SERPINI1: variants seen among roughly 807,000 people sequenced by gnomAD.
The protein encoded by SERPINI1 is serpin family I member 1.
SERPINI1 carries 19 observed loss-of-function variants against 41.1 expected under a neutral mutation model. That is an observed-to-expected ratio of 0.46 (90% CI 0.32 to 0.68). The LOEUF (loss-of-function observed/expected upper bound fraction) is 0.68. Ranked by LOEUF, SERPINI1 falls within the 30% of genes least tolerant of loss-of-function variation. The pLI is 0.03. For missense variants in SERPINI1, 460 were observed against 479.2 expected (o/e 0.96, Z 0.37); for synonymous variants, 138 against 156.6 (o/e 0.88, Z 0.89).
At chr3:167,817,645 T>A (rs1174277474) in intron 6 of SERPINI1, among the ~76,000 whole-genome samples, 2 of 152,112 alleles carry the variant, frequency 1.3e-5, no homozygotes, top group African/African-American at 4.8e-5. Context: ...TCGCCCAGGC[T>A]CGAGTGCAGT....
chr3:167,823,782 C>T (rs1031959477), intron 7 of SERPINI1, among the ~76,000 whole-genome samples: 6 of 152,060 alleles, frequency 3.9e-5, no homozygotes, highest in African/African-American at 9.7e-5. Context: ...TAGTATTTTC[C>T]GAAGTAAATA....
intron 6 of SERPINI1, among the ~76,000 whole-genome samples, chr3:167,812,026 C>T (rs1389563308): frequency 6.6e-6 from 1 of 152,126 alleles, no homozygotes; most frequent in African/African-American, 2.4e-5. Context: ...CTTTCTCTTG[C>T]TTCTAGAAAA....
chr3:167,754,187 G>A (rs1452895663), intron 1 of SERPINI1, among the ~76,000 whole-genome samples: 1 of 152,144 alleles, frequency 6.6e-6, no homozygotes, highest in Non-Finnish European at 1.5e-5. Context: ...ATGAAATCCA[G>A]GAGGGATAAA....
At chr3:167,768,829 A>T (rs1406501620) in intron 1 of SERPINI1, among the ~76,000 whole-genome samples, 1 of 152,216 alleles carries the variant, frequency 6.6e-6, no homozygotes, top group Non-Finnish European at 1.5e-5. Flanking sequence ...CATGATCCGC[A>T]TAGGAAATAT....
At chr3:167,824,368 A>T in intron 7 of SERPINI1, 105 bp from the exon 8 acceptor site, 1 of 790,024 alleles carries the variant, frequency 1.3e-6, no homozygotes, top group East Asian at 2.5e-5. Context: ...TTTCCTGTAA[A>T]TTGTTGTCTT....
At chr3:167,778,245 T>C (rs1201886754) in intron 1 of SERPINI1, among the ~76,000 whole-genome samples, 1 of 152,120 alleles carries the variant, frequency 6.6e-6, no homozygotes, top group Non-Finnish European at 1.5e-5. Context: ...TACAGCCCAA[T>C]GGGTTCTTCT....
intron 1 of SERPINI1, among the ~76,000 whole-genome samples, chr3:167,757,123 A>G (rs528231382): frequency 2.0e-5 from 3 of 152,322 alleles, no homozygotes; most frequent in East Asian, 3.9e-4. Flanking sequence ...TAATCACAGT[A>G]TCAAATGACT....
At chr3:167,739,744 A>G (rs1725608809) in intron 1 of SERPINI1, among the ~76,000 whole-genome samples, 1 of 152,176 alleles carries the variant, frequency 6.6e-6, no homozygotes. Flanking sequence ...CAAAAAAAAA[A>G]TAGACTGATT....
rs1460143430 is a variant in SERPINI1 at position 167,790,506 on chromosome 3, A to G, written c.385A>G (p.Lys129Glu). The G allele has an allele frequency of 6.2e-7, 1 of 1,614,028 alleles. No individual in the cohort carries two copies. Among genetic ancestry groups the G allele is most frequent in the Non-Finnish European group, 8.5e-7 (1 of 1,179,908 alleles). Reference protein sequence around the residue: ...HVNEEFLQMMKKYFNAAVNHV... With the variant: ...HVNEEFLQMMEKYFNAAVNHV... Reference sequence around the variant, plus strand: ...CAATGAGGAGTTTTTGCAAATGATGAAAAAATATTTTAATGCAGCAGTAAA... The same window carrying G: ...CAATGAGGAGTTTTTGCAAATGATGGAAAAATATTTTAATGCAGCAGTAAA... The change falls in exon 3 of 9, where the codon AAA becomes GAA. Residue 129 changes from lysine (K) to glutamate (E), a missense_variant. Transcript: ENST00000446050.
Position 167,792,753 on chromosome 3 carries a change from A to G in SERPINI1, c.645A>G (p.Pro215=). 6.2e-7 allele frequency: 1 copy of G among 1,613,834 alleles called. No homozygotes were observed. The highest frequency in any genetic ancestry group is 8.5e-7 in the Non-Finnish European group (1 of 1,179,852). ...TKDDESEVQI[P]MMYQQGEFYY... is the part of the protein sequence containing the mutation. ...ATGATGAAAGTGAAGTCCAAATTCC[A>G]ATGATGTATCAGCAAGGAGAATTTT... Residue 215 remains proline (P), a synonymous_variant, in exon 4 of 9, where the codon CCA becomes CCG. Transcript: ENST00000446050.
chr3:167,739,865 TATG>T (rs1277670278), intron 1 of SERPINI1, among the ~76,000 whole-genome samples: 2 of 152,340 alleles, frequency 1.3e-5, no homozygotes, highest in Admixed American at 1.3e-4. Flanking sequence ...TTTACTTCAT[TATG>T]ATAAGACCTA....
intron 1 of SERPINI1, among the ~76,000 whole-genome samples, chr3:167,756,783 A>G (rs1337403130): frequency 1.3e-5 from 2 of 152,228 alleles, no homozygotes; most frequent in Non-Finnish European, 2.9e-5. Context: ...TAGATTAGCT[A>G]TTTGATTTCC....
chr3:167,819,417 G>T (rs1712234678), intron 6 of SERPINI1, among the ~76,000 whole-genome samples: 1 of 152,016 alleles, frequency 6.6e-6, no homozygotes. Flanking sequence ...TGGATTTGAG[G>T]GAGCTAATTA....
intron 1 of SERPINI1, among the ~76,000 whole-genome samples, chr3:167,774,960 G>T (rs9855100): frequency 0.45 from 68,051 of 151,782 alleles, 16,169 homozygotes; most frequent in African/African-American, 0.61. Context: ...ACAAAAACAA[G>T]CTACAAATAT....
intron 1 of SERPINI1, among the ~76,000 whole-genome samples, chr3:167,760,829 A>T (rs767759457): frequency 6.6e-5 from 10 of 152,202 alleles, no homozygotes; most frequent in Non-Finnish European, 1.2e-4. Flanking sequence ...AATTCATCAC[A>T]CAGTTCTGAA....
At chr3:167,769,160 A>G (rs192441698) in intron 1 of SERPINI1, among the ~76,000 whole-genome samples, 349 of 152,026 alleles carry the variant, frequency 2.3e-3, no homozygotes, top group Middle Eastern at 0.014. Flanking sequence ...TGCCCAGCTA[A>G]TTTTTGTATT....
At chr3:167,768,132 G>A (rs1363684891) in intron 1 of SERPINI1, among the ~76,000 whole-genome samples, 1 of 152,154 alleles carries the variant, frequency 6.6e-6, no homozygotes, top group South Asian at 2.1e-4. Flanking sequence ...AAACTTCACT[G>A]TTGTCTTATT....
chr3:167,794,584 G>A (rs1419011336), intron 4 of SERPINI1, 36 bp from the exon 5 acceptor site: 3 of 1,582,704 alleles, frequency 1.9e-6, no homozygotes, highest in East Asian at 4.5e-5. Flanking sequence ...TTTAAGCTTT[G>A]ATAGGCATCT....
chr3:167,769,794 T>C (rs1173990136), intron 1 of SERPINI1, among the ~76,000 whole-genome samples: 5 of 152,158 alleles, frequency 3.3e-5, no homozygotes, highest in African/African-American at 1.2e-4. Flanking sequence ...ACCATGTTTT[T>C]ACCTGTTTAA....
Sources: allele counts gnomAD v4.1 joint callset (sites outside exome capture counted in the v4.1 genomes callset), GRCh38; gene constraint gnomAD v4.1.1; transcripts MANE v1.5; gene names NCBI Gene and HGNC (gene_info 2026-07-23, HGNC 2026-07-21).